CWC22: variants seen among roughly 807,000 people sequenced by gnomAD.
CWC22 encodes the protein pre-mRNA-splicing factor CWC22 homolog.
A neutral mutation model predicts 117.2 loss-of-function variants in CWC22; 53 were observed. That is an observed-to-expected ratio of 0.45 (90% CI 0.36 to 0.57). CWC22 has a LOEUF of 0.57. Ranked by LOEUF, CWC22 falls within the 20% of genes least tolerant of loss-of-function variation. The pLI is 0.00. For missense variants in CWC22, 980 were observed against 1,068.8 expected (o/e 0.92, Z 1.16); for synonymous variants, 360 against 355.6 (o/e 1.01, Z -0.14).
chr2:180,001,119 T>C lies in CWC22; in HGVS notation c.-114+5748A>G, dbSNP rs567175382. Reference sequence around the variant, plus strand: ...TTTCAACATTTCAATAAGCTGTCTCTTGATTTACAGTACAGTATTGATTTC... The same window carrying C: ...TTTCAACATTTCAATAAGCTGTCTCCTGATTTACAGTACAGTATTGATTTC... On this transcript the variant is annotated intron_variant, in intron 1 of 19. Coordinates refer to ENST00000410053, the MANE Select transcript of CWC22 (RefSeq NM_020943.3). 3.9e-4 allele frequency among the ~76,000 whole-genome samples: 60 copies of C among 152,328 alleles called. 1 individual carries two copies. In the South Asian group the frequency reaches 0.011, roughly 29 times the overall value.
chr2:179,945,456 A>G lies in CWC22; in HGVS notation c.2400T>C (p.Val800=), dbSNP rs779150749. The G allele has an allele frequency of 1.9e-6, 3 of 1,612,818 alleles. No homozygotes were observed. Among genetic ancestry groups the G allele is most frequent in the East Asian group, 4.5e-5 (2 of 44,770 alleles). The change falls in exon 20 of 20, where the codon GTT becomes GTC. Residue 800 remains valine, a synonymous_variant. Transcript: ENST00000410053. ...GCATTTCTTGGTCTCTGTCATTCGC[A>G]ACTCTACTGTAGTTATTTCGTTCAG... The part of the protein sequence containing the change: ...VPSERNNYSR[V]ANDRDQEMHI...
chr2:179,988,110 G>A (rs922007775), intron 3 of CWC22, among the ~76,000 whole-genome samples: 47 of 152,210 alleles, frequency 3.1e-4, no homozygotes, highest in Admixed American at 2.2e-3. Context: ...GCCAGGAGGT[G>A]GAGCTCAGGC....
At chr2:179,989,245 A>AT (rs1280671539) in intron 2 of CWC22, among the ~76,000 whole-genome samples, 5 of 762 alleles carry the variant, frequency 6.6e-3, no homozygotes, top group East Asian at 0.062. Flanking sequence ...ATAAGTTATA[A>AT]TAATAATTAT....
At chr2:179,979,560 T>C (rs989139138) in intron 5 of CWC22, among the ~76,000 whole-genome samples, 1 of 152,180 alleles carries the variant, frequency 6.6e-6, no homozygotes, top group Non-Finnish European at 1.5e-5. Flanking sequence ...ACAAGGAAGG[T>C]TGGTGAGAGC....
In CWC22 at chr2:179,965,885, ATCT is replaced by A. The variant is rs745448618; in HGVS notation, c.1305_1307del (p.Glu435del). On this transcript the variant is annotated inframe_deletion, in exon 12 of 20. Transcript: ENST00000410053. Reference sequence around the variant, plus strand: ...AATATGCTACATGTTTACCTTCTTCATCTTCTTCTCCCTCTTCCTCTTCTTCTT... The same window carrying A: ...AATATGCTACATGTTTACCTTCTTCATCTTCTCCCTCTTCCTCTTCTTCTT... The A allele has an allele frequency of 2.2e-5, 33 of 1,515,514 alleles. No homozygotes were observed. The highest frequency in any genetic ancestry group is 3.0e-5 in the Non-Finnish European group (33 of 1,091,282). 93.9% of individuals were successfully genotyped at this position (1,515,514 alleles called of 1,614,324 possible).
chr2:179,964,422 G>A, intron 13 of CWC22, 125 bp downstream of exon 13: 1 of 539,258 alleles, frequency 1.9e-6, no homozygotes, highest in Non-Finnish European at 3.3e-6. Context: ...GGATGGGGGA[G>A]AGAGTCTAAG....
intron 19 of CWC22, among the ~76,000 whole-genome samples, chr2:179,949,156 C>T (rs987249003): frequency 1.1e-4 from 16 of 152,178 alleles, no homozygotes; most frequent in Non-Finnish European, 2.4e-4. Flanking sequence ...TGATGTTCTA[C>T]AGCTACTTTC....
rs1427606772 is a variant in CWC22, at chr2:180,006,957, T to A, written c.-204A>T. The A allele has an allele frequency of 6.6e-6, 1 of 152,206 alleles. No individual in the cohort carries two copies. Among genetic ancestry groups the A allele is most frequent in the Non-Finnish European group, 1.5e-5 (1 of 68,068 alleles). The allele number at this position is 152,206 out of a possible 1,614,324, so 9.4% of individuals were successfully genotyped here. ...CACTCCAATGCCGCTCACAGCCGTA[T>A]CAGTGAGCCCGCACCCACTCCTGGG... On this transcript the variant is annotated 5_prime_UTR_variant, in exon 1 of 20. Transcript: ENST00000410053.
At chr2:179,989,706 T>A (rs761414617) in intron 2 of CWC22, among the ~76,000 whole-genome samples, 2 of 152,106 alleles carry the variant, frequency 1.3e-5, no homozygotes, top group Non-Finnish European at 2.9e-5. Flanking sequence ...AAAATCCAAA[T>A]ACATTAAGGA....
At chr2:179,952,908 C>T (rs906574258) in intron 16 of CWC22, among the ~76,000 whole-genome samples, 3 of 152,060 alleles carry the variant, frequency 2.0e-5, no homozygotes, top group Non-Finnish European at 4.4e-5. Flanking sequence ...CTAAACCTTA[C>T]TCATCAAAAT....
chr2:179,988,587 G>C lies in CWC22; in HGVS notation c.85C>G (p.Pro29Ala), dbSNP rs1303745525. ...TATTAAACTATTTACCTGTCTTCTG[G>C]AGAGGAGTTCCTCTGATATGAATTA... ...NLNSYQRNSS[P>A]EDRYEEQERS... is the part of the protein sequence containing the mutation. The change falls in exon 3 of 20, where the codon CCA (proline) becomes GCA (alanine). Residue 29 changes from proline (P) to alanine (A), a missense_variant. Physicochemically the swap from Pro to Ala is conservative, Grantham distance 27. Around this residue, in one of 3 missense-constraint regions of CWC22, gnomAD observed 559 missense variants for 602.3 expected, o/e 0.93. Coordinates refer to ENST00000410053, the MANE Select transcript of CWC22 (RefSeq NM_020943.3). 6.6e-7 allele frequency: 1 copy of C among 1,506,314 alleles called. No homozygotes were observed. Among genetic ancestry groups the C allele is most frequent in the Non-Finnish European group, 9.0e-7 (1 of 1,108,682 alleles). 93.3% of individuals were successfully genotyped at this position (1,506,314 alleles called of 1,614,324 possible).
intron 6 of CWC22, among the ~76,000 whole-genome samples, chr2:179,976,792 A>G (rs1258926334): frequency 1.3e-5 from 2 of 152,212 alleles, no homozygotes; most frequent in African/African-American, 4.8e-5. Flanking sequence ...ATGCTTGTAC[A>G]CTGTTGGTAG....
chr2:179,954,874 T>C (rs2105510852), intron 15 of CWC22, 83 bp downstream of exon 15: 1 of 868,260 alleles, frequency 1.2e-6, no homozygotes, highest in Non-Finnish European at 1.8e-6. Context: ...AATATGTTTT[T>C]AAATGAGACC....
intron 13 of CWC22, among the ~76,000 whole-genome samples, chr2:179,963,744 C>T (rs1035038773): frequency 2.0e-5 from 3 of 152,106 alleles, no homozygotes; most frequent in African/African-American, 7.2e-5. Context: ...GAAGATAAAC[C>T]TAAAGCCAAA....
intron 16 of CWC22, among the ~76,000 whole-genome samples, chr2:179,952,847 A>G (rs1686488200): frequency 1.3e-5 from 2 of 152,122 alleles, no homozygotes; most frequent in Admixed American, 1.3e-4. Context: ...TGCTTTTTAT[A>G]GCAGGGAAGA....
At chr2:179,948,686 C>A (rs530421979) in intron 19 of CWC22, among the ~76,000 whole-genome samples, 8 of 152,094 alleles carry the variant, frequency 5.3e-5, no homozygotes, top group Middle Eastern at 3.2e-3. Context: ...AGACGAAACT[C>A]CATACTGAGG....
At chr2:179,977,773 T>A (rs1456393942) in intron 6 of CWC22, among the ~76,000 whole-genome samples, 1 of 152,228 alleles carries the variant, frequency 6.6e-6, no homozygotes, top group African/African-American at 2.4e-5. Flanking sequence ...CTTGATTTAG[T>A]CATTCTACAA....
At chr2:179,954,853 G>A in intron 15 of CWC22, 104 bp downstream of exon 15, 1 of 716,620 alleles carries the variant, frequency 1.4e-6, no homozygotes, top group South Asian at 1.8e-5. Flanking sequence ...TTTGCTTTTA[G>A]CAAAAGTGGT....
chr2:179,961,364 C>T (rs1686746382), intron 13 of CWC22, among the ~76,000 whole-genome samples: 1 of 151,788 alleles, frequency 6.6e-6, no homozygotes, highest in African/African-American at 2.4e-5. Context: ...ATCTATATTC[C>T]TCAGCTTCTA....
Sources: allele counts gnomAD v4.1 joint callset (sites outside exome capture counted in the v4.1 genomes callset), GRCh38; gene constraint gnomAD v4.1.1; regional missense constraint gnomAD v4.1.1; transcripts MANE v1.5; gene names NCBI Gene and HGNC (gene_info 2026-07-23, HGNC 2026-07-21).